Variants in TASP1 observed in about 807,000 individuals in gnomAD.
TASP1 encodes the protein taspase 1, also known as threonine aspartase 1.
A neutral mutation model predicts 56.6 loss-of-function variants in TASP1; 16 were observed. The observed-to-expected ratio is 0.28, with a 90% confidence interval of 0.19 to 0.43. TASP1 has a LOEUF of 0.43. TASP1 is among the 20% of genes least tolerant of loss of function. The pLI is 1.00. For missense variants in TASP1, 393 were observed against 511.6 expected (o/e 0.77, Z 2.24); for synonymous variants, 179 against 184.2 (o/e 0.97, Z 0.23).
At chr20:13,158,432 C>T in the TASP1 span, among the ~76,000 whole-genome samples, 2 of 152,298 alleles carry the variant, frequency 1.3e-5, no homozygotes, top group East Asian at 3.9e-4. Context: ...GCAAAACGTG[C>T]TTCCTTTGGC....
At chr20:13,389,100 C>T (rs1482051750), downstream of TASP1, among the ~76,000 whole-genome samples, 2 of 152,140 alleles carry the variant, frequency 1.3e-5, no homozygotes, top group African/African-American at 2.4e-5. Context: ...CTGAATATAA[C>T]ACTTAGAAGT....
the TASP1 span, among the ~76,000 whole-genome samples, chr20:13,272,172 C>T: frequency 6.6e-6 from 1 of 152,158 alleles, no homozygotes; most frequent in African/African-American, 2.4e-5. Flanking sequence ...AATTTGCTTA[C>T]ATAGCAGAAA....
At chr20:13,578,204 T>A (rs2046996034) in intron 6 of TASP1, among the ~76,000 whole-genome samples, 1 of 152,052 alleles carries the variant, frequency 6.6e-6, no homozygotes, top group Admixed American at 6.6e-5. Flanking sequence ...GAAAATATCA[T>A]CTTTTTTTTT....
chr20:13,205,516 T>C, the TASP1 span, among the ~76,000 whole-genome samples: 1 of 152,162 alleles, frequency 6.6e-6, no homozygotes, highest in Admixed American at 6.5e-5. Context: ...TGATTTAGTG[T>C]CTGATGTGGG....
the TASP1 span, among the ~76,000 whole-genome samples, chr20:13,289,077 TGTAAC>T: frequency 6.6e-6 from 1 of 152,188 alleles, no homozygotes; most frequent in Non-Finnish European, 1.5e-5. Flanking sequence ...TGAGGCAAGA[TGTAAC>T]TACTTTTCTA....
At chr20:13,280,402 C>A in the TASP1 span, among the ~76,000 whole-genome samples, 4 of 138,760 alleles carry the variant, frequency 2.9e-5, no homozygotes, top group Non-Finnish European at 4.7e-5. Flanking sequence ...CCCCCCCCCC[C>A]CAATACATTT....
chr20:13,625,730 A>G (rs1162263653), intron 2 of TASP1, among the ~76,000 whole-genome samples: 1 of 152,232 alleles, frequency 6.6e-6, no homozygotes, highest in African/African-American at 2.4e-5. Flanking sequence ...GAGGTGTCTT[A>G]CATCTCGCAT....
intron 11 of TASP1, among the ~76,000 whole-genome samples, chr20:13,463,940 C>G (rs1299575499): frequency 6.6e-6 from 1 of 152,082 alleles, no homozygotes; most frequent in Non-Finnish European, 1.5e-5. Context: ...AACAGTATAG[C>G]AGTTCCTCAA....
At chr20:13,160,268 C>G in the TASP1 span, 1 of 1,079,098 alleles carries the variant, frequency 9.3e-7, no homozygotes. Flanking sequence ...AAAGTCACTG[C>G]CAAAAAACAA....
intron 10 of TASP1, among the ~76,000 whole-genome samples, chr20:13,485,021 C>T (rs1400241709): frequency 6.6e-6 from 1 of 152,100 alleles, no homozygotes; most frequent in Non-Finnish European, 1.5e-5. Context: ...AGGAGAAATA[C>T]CTAATGTAAG....
chr20:13,129,613 C>T, the TASP1 span, among the ~76,000 whole-genome samples: 1 of 152,222 alleles, frequency 6.6e-6, no homozygotes, highest in Non-Finnish European at 1.5e-5. Flanking sequence ...TCACTCATTT[C>T]CGGAGTCCTT....
At chr20:13,352,529 C>G in the TASP1 span, among the ~76,000 whole-genome samples, 1 of 151,864 alleles carries the variant, frequency 6.6e-6, no homozygotes, top group African/African-American at 2.4e-5. Flanking sequence ...GAAATTTGGG[C>G]TCAAGTAAAT....
At chr20:13,451,933 T>C (rs113507154) in intron 11 of TASP1, among the ~76,000 whole-genome samples, 13 of 152,240 alleles carry the variant, frequency 8.5e-5, no homozygotes, top group African/African-American at 3.1e-4. Context: ...GAGTCATTAA[T>C]TGGCCTAATT....
chr20:13,399,056 C>T (rs976926223), intron 13 of TASP1, among the ~76,000 whole-genome samples: 1 of 152,160 alleles, frequency 6.6e-6, no homozygotes, highest in African/African-American at 2.4e-5. Context: ...TTCACAAGGC[C>T]CAGCAGCAGC....
At chr20:13,381,840 T>C in the TASP1 span, among the ~76,000 whole-genome samples, 4 of 152,176 alleles carry the variant, frequency 2.6e-5, no homozygotes, top group African/African-American at 4.8e-5. Context: ...GAATGAAATA[T>C]CTGATTTATA....
the TASP1 span, chr20:13,288,601 C>T: frequency 0.047 from 76,389 of 1,613,828 alleles, 2,552 homozygotes; most frequent in East Asian, 0.19. Flanking sequence ...CCTGCGGGAA[C>T]GGCAACCAGA....
At chr20:13,288,598 G>T in the TASP1 span, 1 of 1,613,870 alleles carries the variant, frequency 6.2e-7, no homozygotes, top group Non-Finnish European at 8.5e-7. Flanking sequence ...TCACCTGCGG[G>T]AACGGCAACC....
the TASP1 span, among the ~76,000 whole-genome samples, chr20:13,134,773 GA>G: frequency 1.3e-5 from 2 of 151,824 alleles, no homozygotes; most frequent in African/African-American, 4.9e-5. Context: ...CAAAAAAAAA[GA>G]AAAAAGGAGG....
chr20:13,273,284 C>T, the TASP1 span, among the ~76,000 whole-genome samples: 2,991 of 89,074 alleles, frequency 0.034, 38 homozygotes, highest in Non-Finnish European at 0.049. Context: ...ACCTATGCTA[C>T]GGTACAGTTG....
Sources: allele counts gnomAD v4.1 joint callset (sites outside exome capture counted in the v4.1 genomes callset), GRCh38; gene constraint gnomAD v4.1.1; transcripts MANE v1.5; gene names NCBI Gene and HGNC (gene_info 2026-07-23, HGNC 2026-07-21).